Variants in SETD5 observed in about 807,000 individuals in gnomAD.
SETD5 encodes the protein histone-lysine N-methyltransferase SETD5.
A neutral mutation model predicts 153.3 loss-of-function variants in SETD5; 44 were observed. The observed-to-expected ratio is 0.29, with a 90% CI of 0.23 to 0.37. SETD5 has a LOEUF of 0.37. Among genes scored for constraint, SETD5 ranks in the 10% least tolerant of loss-of-function variants. The probability of loss-of-function intolerance (pLI) is 1.00; values close to 1 mark genes in which losing one functional copy is unlikely to be tolerated. For missense variants in SETD5, 1,544 were observed against 1,768.0 expected, an observed-to-expected ratio of 0.87 and a Z score of 2.27; for synonymous variants, 716 against 645.2, an observed-to-expected ratio of 1.11 and a Z score of -1.66.
intron 1 of SETD5, among the ~76,000 whole-genome samples, chr3:9,406,299 A>G (rs768641462): frequency 1.5e-4 from 23 of 152,358 alleles, no homozygotes; most frequent in Non-Finnish European, 2.9e-4. Flanking sequence ...TTGAAGCAGT[A>G]TGATTGATTA....
At chr3:9,470,058 T>C (rs748798003) in intron 18 of SETD5, among the ~76,000 whole-genome samples, 4 of 152,168 alleles carry the variant, frequency 2.6e-5, no homozygotes, top group Non-Finnish European at 5.9e-5. Context: ...AAGCCAGTTA[T>C]CTTAAGACAC....
intron 17 of SETD5, 66 bp from the exon 18 acceptor site, chr3:9,464,359 G>T (rs1270690884): frequency 6.4e-7 from 1 of 1,551,668 alleles, no homozygotes; most frequent in Non-Finnish European, 8.7e-7. Flanking sequence ...CAGATTAATG[G>T]CTTTACTGTA....
At position 9,447,210 on chromosome 3, in the gene SETD5, C is replaced by T. The variant is rs1216819941; in HGVS notation, c.1685C>T (p.Ala562Val). 6.2e-7 allele frequency: 1 copy of T among 1,614,034 alleles called. No individual in the cohort carries two copies. The highest frequency in any genetic ancestry group is 8.5e-7 in the Non-Finnish European group (1 of 1,179,894). ...TPVGEETKTE[A>V]PESEVSNSVS... ...GTTGGTGAAGAGACAAAAACTGAAG[C>T]CCCTGAATCTGAAGTTAGCAACTCT... The change falls in exon 14 of 23, where the codon GCC becomes GTC. Residue 562 changes from alanine to valine, a missense_variant. Around this residue, in one of 9 missense-constraint regions of SETD5, gnomAD observed 782 missense variants for 787.2 expected, o/e 0.99. Coordinates refer to ENST00000402198, the MANE Select transcript of SETD5 (RefSeq NM_001080517.3).
At chr3:9,430,404 T>C in intron 3 of SETD5, 1 of 930,740 alleles carries the variant, frequency 1.1e-6, no homozygotes, top group Non-Finnish European at 1.3e-6. Flanking sequence ...AGGGTTGATT[T>C]TGTTTCTTCT....
chr3:9,475,880 C>T lies in SETD5; in HGVS notation c.4118C>T (p.Ser1373Phe). The change falls in exon 23 of 23, where the codon TCC becomes TTC. Residue 1373 changes from serine to phenylalanine, a missense_variant. Ser to Phe is a radical substitution (Grantham distance 155, BLOSUM62 -2). Around this residue, in one of 9 missense-constraint regions of SETD5, gnomAD observed 302 missense variants for 277.6 expected, o/e 1.09. Transcript: ENST00000402198. ...QSSTGTLSST[S>F]FPQNSRSSLP... ...AGCACAGGAACTCTGAGTTCCACCTCCTTTCCTCAGAACTCTAGGTCGTCA... is the reference window on the plus strand; with the variant it reads ...AGCACAGGAACTCTGAGTTCCACCTTCTTTCCTCAGAACTCTAGGTCGTCA... The T allele has an allele frequency of 6.2e-7, 1 of 1,614,062 alleles. No individual in the cohort carries two copies. Among genetic ancestry groups the T allele is most frequent in the Non-Finnish European group, 8.5e-7 (1 of 1,179,900 alleles).
At chr3:9,468,640 G>C in intron 18 of SETD5, 1 of 1,281,192 alleles carries the variant, frequency 7.8e-7, no homozygotes. Flanking sequence ...ATGTGTTCCT[G>C]AGTGTGTGGG....
chr3:9,468,550 A>G (rs1301052795), intron 18 of SETD5: 13 of 1,304,226 alleles, frequency 1.0e-5, no homozygotes, highest in East Asian at 5.5e-5. Context: ...TCCCCTGCGC[A>G]TAGGCCCGAG....
At position 9,434,510 on chromosome 3, in the gene SETD5, T is replaced by C. The variant is rs1268938562; in HGVS notation, c.329+25T>C. On this transcript the variant is annotated intron_variant, in intron 5 of 22. Coordinates refer to ENST00000402198, the MANE Select transcript of SETD5 (RefSeq NM_001080517.3). This position sits in a 1 kb window ranked among gnomAD's most constrained non-coding sequence, Gnocchi z 5.6. ...GGTAAGATCCTGTTCCATCTAAATT[T>C]AAGTCTGGGTTGCTGGGATTAGGGT... 1.2e-6 allele frequency: 2 copies of C among 1,613,454 alleles called. No homozygotes were observed. Among genetic ancestry groups the C allele is most frequent in the Non-Finnish European group, 1.7e-6 (2 of 1,179,616 alleles).
chr3:9,455,174 T>TTC (rs1553630934), intron 17 of SETD5, among the ~76,000 whole-genome samples: 2 of 139,990 alleles, frequency 1.4e-5, no homozygotes, highest in Non-Finnish European at 3.1e-5. Context: ...TTTTCTTTTT[T>TTC]TTTTTTTTTT....
intron 1 of SETD5, among the ~76,000 whole-genome samples, chr3:9,399,569 T>C (rs899752721): frequency 6.6e-6 from 1 of 152,206 alleles, no homozygotes; most frequent in South Asian, 2.1e-4. Context: ...AAATGAATTA[T>C]GCCCTTTGGT....
chr3:9,409,846 C>T (rs959409567), intron 1 of SETD5, among the ~76,000 whole-genome samples: 2 of 152,196 alleles, frequency 1.3e-5, no homozygotes, highest in Admixed American at 1.3e-4. Context: ...TTCTCCCTTT[C>T]CCCATGCCCA....
chr3:9,406,411 C>T (rs535605554), intron 1 of SETD5, among the ~76,000 whole-genome samples: 1 of 151,780 alleles, frequency 6.6e-6, no homozygotes, highest in East Asian at 1.9e-4. Context: ...TGTGTTTATG[C>T]CCACAGCCTG....
chr3:9,463,640 T>A (rs1295585788), intron 17 of SETD5, among the ~76,000 whole-genome samples: 1 of 152,200 alleles, frequency 6.6e-6, no homozygotes, highest in Non-Finnish European at 1.5e-5. Context: ...CATTTCATGC[T>A]TTTTAGGTAG....
At chr3:9,430,905 C>G in intron 3 of SETD5, 1 of 985,382 alleles carries the variant, frequency 1.0e-6, no homozygotes. Flanking sequence ...TCATGATCTC[C>G]AGACAGATTT....
At chr3:9,465,827 C>G (rs1441635029) in intron 18 of SETD5, among the ~76,000 whole-genome samples, 1 of 152,144 alleles carries the variant, frequency 6.6e-6, no homozygotes, top group Non-Finnish European at 1.5e-5. Context: ...GCAGCTGATT[C>G]AGGCCTTTCT....
intron 1 of SETD5, among the ~76,000 whole-genome samples, chr3:9,400,805 T>C (rs118182970): frequency 6.6e-6 from 1 of 152,290 alleles, no homozygotes; most frequent in East Asian, 1.9e-4. Context: ...GAAGATGGCC[T>C]CTGAGCCCCT....
At position 9,473,454 on chromosome 3, in the gene SETD5, C is replaced by T; in HGVS notation, c.3414C>T (p.Ser1138=). ...KKFSPSHSSM[S]HLEAVSPSDS... ...TCTCCCCATCTCATTCCTCTATGTC[C>T]CATTTGGAGGCGGTAAGCCCATCAG... The change falls in exon 20 of 23, where the codon TCC becomes TCT. Residue 1138 remains serine (S), a synonymous_variant. Transcript: ENST00000402198. The T allele has an allele frequency of 6.2e-7, 1 of 1,613,866 alleles. No homozygotes were observed. Among genetic ancestry groups the T allele is most frequent in the African/African-American group, 1.3e-5 (1 of 75,018 alleles).
At chr3:9,462,062 G>A (rs1355307695) in intron 17 of SETD5, among the ~76,000 whole-genome samples, 13 of 152,006 alleles carry the variant, frequency 8.6e-5, no homozygotes, top group Non-Finnish European at 1.9e-4. Flanking sequence ...ATAATTTTTT[G>A]CATTTATTCT....
chr3:9,414,125 T>C (rs1283417931), intron 1 of SETD5, among the ~76,000 whole-genome samples: 1 of 152,220 alleles, frequency 6.6e-6, no homozygotes, highest in Admixed American at 6.5e-5. Flanking sequence ...TTCTGAGGAA[T>C]GAGTATATGT....
Sources: allele counts gnomAD v4.1 joint callset (sites outside exome capture counted in the v4.1 genomes callset), GRCh38; gene constraint gnomAD v4.1.1; regional missense constraint gnomAD v4.1.1; non-coding constraint Gnocchi (gnomAD v3.1); transcripts MANE v1.5; gene names NCBI Gene and HGNC (gene_info 2026-07-23, HGNC 2026-07-21).